The following FRY variants were observed in gnomAD, a reference collection of about 807,000 sequenced individuals.
FRY encodes FRY microtubule binding protein.
In FRY, 128 loss-of-function variants were observed where a neutral mutation model predicts 348.4. The observed-to-expected ratio is 0.37, with a 90% CI of 0.32 to 0.43. FRY has a LOEUF of 0.43. FRY is among the 20% of genes least tolerant of loss of function. The pLI is 1.00. For synonymous variants in FRY, 1,370 were observed against 1,374.7 expected, an observed-to-expected ratio of 1.00 and a Z score of 0.08; for missense variants, 2,736 against 3,695.2, an observed-to-expected ratio of 0.74 and a Z score of 6.73.
intron 23 of FRY, 44 bp downstream of exon 23, chr13:32,179,843 T>G: frequency 6.3e-7 from 1 of 1,586,744 alleles, no homozygotes; most frequent in Non-Finnish European, 8.7e-7. Context: ...TACATGCTGC[T>G]GCTATTGTAG....
At chr13:32,053,028 G>T (rs547387215) in intron 1 of FRY, among the ~76,000 whole-genome samples, 3 of 151,864 alleles carry the variant, frequency 2.0e-5, no homozygotes, top group Non-Finnish European at 4.4e-5. Context: ...CAGGAGAATC[G>T]CTTGAACCCG....
intron 23 of FRY, among the ~76,000 whole-genome samples, chr13:32,182,649 T>C (rs1201739757): frequency 6.6e-6 from 1 of 152,244 alleles, no homozygotes; most frequent in African/African-American, 2.4e-5. Flanking sequence ...TTTGTTTAAT[T>C]GTTCACATAG....
chr13:32,260,101 A>G (rs1178626696), intron 51 of FRY, among the ~76,000 whole-genome samples: 2 of 152,228 alleles, frequency 1.3e-5, no homozygotes, highest in Non-Finnish European at 1.5e-5. Flanking sequence ...GTTATATGAC[A>G]GATCTGTGAG....
Position 32,231,233 on chromosome 13 carries a change from A to G in FRY, c.5460A>G (p.Ser1820=), listed in dbSNP as rs1386677225. The G allele has an allele frequency of 1.9e-6, 3 of 1,613,054 alleles. No homozygotes were observed. Among genetic ancestry groups the G allele is most frequent in the East Asian group, 2.2e-5 (1 of 44,870 alleles). Residue 1820 remains serine, a synonymous_variant, in exon 41 of 61, where the codon TCA becomes TCG. Transcript: ENST00000542859. ...HEDITPKNQN[S]KSAEQLTNFL... ...ACATCACACCTAAAAATCAAAATTC[A>G]AAGAGTGCTGAACAGCTCACTAATT... is the stretch of plus-strand genomic sequence containing the variant.
intron 17 of FRY, among the ~76,000 whole-genome samples, chr13:32,165,231 A>G (rs903878636): frequency 5.9e-5 from 9 of 152,212 alleles, no homozygotes; most frequent in African/African-American, 2.2e-4. Context: ...CTTCTAAGAT[A>G]ATGCATACAC....
chr13:32,182,927 G>T (rs766038772), intron 23 of FRY, 50 bp from the exon 24 acceptor site: 2 of 1,170,948 alleles, frequency 1.7e-6, no homozygotes, highest in Non-Finnish European at 2.6e-6. Flanking sequence ...TTAGTGACAA[G>T]TTTGGTGTCA....
At chr13:32,218,695 A>C in intron 35 of FRY, 54 bp from the exon 36 acceptor site, 2 of 965,122 alleles carry the variant, frequency 2.1e-6, no homozygotes, top group East Asian at 5.0e-5. Flanking sequence ...AAAAAAAAAA[A>C]AGCGCATATG....
chr13:32,161,286 C>G, intron 17 of FRY, 35 bp downstream of exon 17: 1 of 1,257,400 alleles, frequency 8.0e-7, no homozygotes, highest in Non-Finnish European at 1.2e-6. Context: ...AAATTAATTT[C>G]GATCCTTTGT....
intron 2 of FRY, among the ~76,000 whole-genome samples, chr13:32,101,006 G>A (rs1259638969): frequency 6.6e-6 from 1 of 152,134 alleles, no homozygotes; most frequent in East Asian, 1.9e-4. Context: ...TGAGGCCATA[G>A]CACAATACAT....
At chr13:32,059,131 C>G (rs1273664583) in intron 1 of FRY, among the ~76,000 whole-genome samples, 1 of 152,024 alleles carries the variant, frequency 6.6e-6, no homozygotes, top group Non-Finnish European at 1.5e-5. Flanking sequence ...TTTTTCTCTT[C>G]ACTTCCCTTA....
Position 32,228,597 on chromosome 13 carries a change from A to G in FRY, c.5348A>G (p.Asp1783Gly). The change falls in exon 40 of 61, where the codon GAC becomes GGC. Residue 1783 changes from aspartate to glycine, a missense_variant. Asp to Gly is a moderately conservative substitution (Grantham distance 94, BLOSUM62 -1). Transcript: ENST00000542859. ...ATGACCCAGGAGGTAGAAGATGTGG[A>G]CACAGCTGCTGAAACAGATGAGAAG... ...PQMTQEVEDV[D>G]TAAETDEKAN... 3 of 1,614,130 alleles carry G rather than the reference A, an allele frequency of 1.9e-6. No individual in the cohort carries two copies. The highest frequency in any genetic ancestry group is 2.5e-6 in the Non-Finnish European group (3 of 1,179,982).
chr13:32,158,951 C>CAAAAAAAAAAAAA (rs35585320), intron 16 of FRY, among the ~76,000 whole-genome samples: 1 of 32,772 alleles, frequency 3.1e-5, no homozygotes, highest in South Asian at 1.6e-3. Context: ...GCTGTTTCCT[C>CAAAAAAAAAAAAA]AAAAAAAAAA....
At chr13:32,063,252 C>T (rs761781842) in intron 1 of FRY, among the ~76,000 whole-genome samples, 22 of 152,144 alleles carry the variant, frequency 1.4e-4, no homozygotes, top group Non-Finnish European at 2.8e-4. Context: ...ATGTTGGGTC[C>T]CTGTGTAATG....
intron 33 of FRY, 35 bp downstream of exon 33, chr13:32,209,766 C>A (rs753852425): frequency 6.2e-7 from 1 of 1,604,998 alleles, no homozygotes; most frequent in Admixed American, 1.7e-5. Flanking sequence ...AGTGATTATT[C>A]CTGCAGGGAC....
chr13:32,127,814 A>T (rs979760749), intron 7 of FRY, among the ~76,000 whole-genome samples: 18 of 152,164 alleles, frequency 1.2e-4, no homozygotes, highest in Admixed American at 5.2e-4. Flanking sequence ...ATTTATTTTT[A>T]AATGAGAAAT....
At position 32,082,146 on chromosome 13, in the gene FRY, G is replaced by A. The variant is rs139986066; in HGVS notation, c.270+3113G>A. ...AATTTCACACCCATTAGCTTGTGTG[G>A]AGCAGATTATGTACAACTTTAAATT... On this transcript the variant is annotated intron_variant, in intron 2 of 60. Transcript: ENST00000542859. 4.2e-3 allele frequency among the ~76,000 whole-genome samples: 635 copies of A among 150,792 alleles called. 2 individuals are homozygous for A. Among genetic ancestry groups the A allele is most frequent in the South Asian group, 0.022 (106 of 4,790 alleles).
intron 7 of FRY, among the ~76,000 whole-genome samples, chr13:32,130,547 A>G (rs573187832): frequency 1.3e-5 from 2 of 150,754 alleles, no homozygotes; most frequent in African/African-American, 2.4e-5. Context: ...GACAATTTCT[A>G]TGTGTACATT....
At position 32,265,512 on chromosome 13, in the gene FRY, C is replaced by G; in HGVS notation, c.7842C>G (p.Ile2614Met). Residue 2614 changes from isoleucine (I) to methionine (M), a missense_variant, in exon 54 of 61, where the codon ATC (isoleucine) becomes ATG (methionine). Ile to Met is a conservative substitution (Grantham distance 10). Transcript: ENST00000542859. ...ATGAGGATGATCTTTCTAGTTCCAT[C>G]AATGAACTCCCAGCAGCTTTTGAAT... ...TVHEDDLSSS[I>M]NELPAAFECS... is the part of the protein sequence containing the mutation. The G allele has an allele frequency of 6.2e-7, 1 of 1,614,012 alleles. No individual in the cohort carries two copies. The highest frequency in any genetic ancestry group is 8.5e-7 in the Non-Finnish European group (1 of 1,179,880).
In FRY at chr13:32,261,703, C is replaced by T. The variant is rs201153727; in HGVS notation, c.7504C>T (p.Arg2502Cys). The T allele has an allele frequency of 4.8e-5, 78 of 1,613,758 alleles. No homozygotes were observed. Among genetic ancestry groups the T allele is most frequent in the Admixed American group, 1.8e-4 (11 of 59,994 alleles). ...GTGTGATATGCAGATTCTGGAGGAG[C>T]GCCAACTGTCAGGAAGCACTCCTAG... ...DKCDMQILEE[R>C]QLSGSTPSLN... The change falls in exon 52 of 61, where the codon CGC becomes TGC. Residue 2502 changes from arginine (R) to cysteine (C), a missense_variant. By Grantham distance (180) the Arg-to-Cys change is radical (BLOSUM62 -3). Coordinates refer to ENST00000542859, the MANE Select transcript of FRY (RefSeq NM_023037.3).
Sources: gnomAD v4.1 joint callset for allele counts (sites outside exome capture counted in the v4.1 genomes callset) on GRCh38, gnomAD v4.1.1 for gene constraint, MANE v1.5 for transcripts, NCBI Gene and HGNC (gene_info 2026-07-23, HGNC 2026-07-21) for gene names.